LRRC69: variants seen among roughly 807,000 people sequenced by gnomAD.
LRRC69 encodes leucine-rich repeat-containing protein 69.
In LRRC69, 42 loss-of-function variants were observed where a neutral mutation model predicts 37.8. The ratio of observed to expected loss-of-function variants is 1.11; its 90% confidence interval spans 0.87 to 1.44. The LOEUF (loss-of-function observed/expected upper bound fraction) is 1.44, where lower values mean the gene tolerates loss of function less well. LRRC69 is among the 40% of genes most tolerant of loss of function. The pLI is 0.00. For missense variants in LRRC69, 357 were observed against 401.9 expected (o/e 0.89, Z 0.96); for synonymous variants, 141 against 143.1 (o/e 0.99, Z 0.11).
At chr8:91,105,857 A>G (rs1034931706) in intron 1 of LRRC69, among the ~76,000 whole-genome samples, 2 of 151,982 alleles carry the variant, frequency 1.3e-5, no homozygotes, top group South Asian at 4.1e-4. Context: ...AATGAGGACC[A>G]TCTGTGTCTC....
In LRRC69 at chr8:91,133,119, TCTTA is replaced by T. The variant is rs1425366966; in HGVS notation, c.398_401del (p.Thr133IlefsTer2). 9 of 1,461,202 alleles carry T rather than the reference TCTTA, an allele frequency of 6.2e-6. No individual in the cohort carries two copies. The highest frequency in any genetic ancestry group is 7.3e-6 in the Non-Finnish European group (8 of 1,097,768). 90.5% of individuals were successfully genotyped at this position (1,461,202 alleles called of 1,614,324 possible). A position where few individuals can be genotyped will look rare whatever the true frequency, so the allele number is the denominator to read the frequency against. On this transcript the variant is annotated frameshift_variant, in exon 4 of 8. Coordinates refer to ENST00000448384, the Ensembl canonical transcript of LRRC69. LOFTEE classifies it high-confidence loss of function. ...GTTTTTTTTTTTTTAGATTAAAAAG[TCTTA>T]CTTATATGAGTATAAATTATAACCA...
At chr8:91,139,607 G>C (rs969111442) in intron 5 of LRRC69, among the ~76,000 whole-genome samples, 5 of 151,118 alleles carry the variant, frequency 3.3e-5, no homozygotes, top group Admixed American at 6.6e-5. Flanking sequence ...GCAGTGAGCC[G>C]AGATTGCACC....
chr8:91,145,988 G>A (rs1457560334), intron 5 of LRRC69, among the ~76,000 whole-genome samples: 1 of 151,840 alleles, frequency 6.6e-6, no homozygotes, highest in Non-Finnish European at 1.5e-5. Context: ...GCCCAATTAA[G>A]TTAGGGAATA....
At chr8:91,166,908 A>G (rs1428181211) in intron 5 of LRRC69, among the ~76,000 whole-genome samples, 2 of 151,888 alleles carry the variant, frequency 1.3e-5, no homozygotes, top group Non-Finnish European at 2.9e-5. Context: ...GTTTTCAGAC[A>G]CAGAGCTGGT....
At chr8:91,148,249 C>T (rs1428110669) in intron 5 of LRRC69, among the ~76,000 whole-genome samples, 1 of 151,152 alleles carries the variant, frequency 6.6e-6, no homozygotes, top group African/African-American at 2.4e-5. Flanking sequence ...CACCCCACAT[C>T]AGGCCCCAGT....
chr8:91,212,490 C>A (rs982216029), intron 7 of LRRC69, among the ~76,000 whole-genome samples: 1 of 152,032 alleles, frequency 6.6e-6, no homozygotes, highest in African/African-American at 2.4e-5. Context: ...TGAGTGAAAA[C>A]GTTCATTTAC....
intron 5 of LRRC69, among the ~76,000 whole-genome samples, chr8:91,172,576 C>T (rs578218829): frequency 2.7e-3 from 405 of 152,042 alleles, no homozygotes; most frequent in African/African-American, 9.3e-3. Context: ...AGTGCAATGG[C>T]AAGATCTCAG....
intron 1 of LRRC69, among the ~76,000 whole-genome samples, chr8:91,123,239 C>T (rs1330147229): frequency 6.6e-6 from 1 of 151,978 alleles, no homozygotes; most frequent in African/African-American, 2.4e-5. Context: ...CGTTCTAAGC[C>T]ACAAAGTTTG....
intron 1 of LRRC69, among the ~76,000 whole-genome samples, chr8:91,110,672 T>C (rs1813393499): frequency 6.6e-6 from 1 of 151,978 alleles, no homozygotes. Flanking sequence ...GGAGTTTATC[T>C]AAGTTAGTCA....
At chr8:91,206,874 C>T (rs1242978017) in intron 7 of LRRC69, 1 of 1,278,278 alleles carries the variant, frequency 7.8e-7, no homozygotes, top group Non-Finnish European at 1.0e-6. Flanking sequence ...AGAAAGCTGC[C>T]AAGTAGAGGA....
chr8:91,205,500 C>G (rs1809789129), intron 7 of LRRC69: 1 of 151,972 alleles, frequency 6.6e-6, no homozygotes, highest in Admixed American at 6.5e-5. Flanking sequence ...TCTGAACTAG[C>G]TCTGTGGATC....
At chr8:91,157,836 T>A in intron 5 of LRRC69, 2 of 1,606,330 alleles carry the variant, frequency 1.2e-6, no homozygotes, top group South Asian at 2.2e-5. Context: ...GAAAAGGAGC[T>A]GCATCATTTA....
chr8:91,153,317 T>A (rs1808774805), intron 5 of LRRC69, among the ~76,000 whole-genome samples: 2 of 151,122 alleles, frequency 1.3e-5, no homozygotes, highest in South Asian at 4.2e-4. Context: ...GACAGAAAAT[T>A]AACAAGGATA....
chr8:91,165,064 G>C (rs755288518), intron 5 of LRRC69, among the ~76,000 whole-genome samples: 6 of 151,510 alleles, frequency 4.0e-5, no homozygotes, highest in Non-Finnish European at 8.8e-5. Flanking sequence ...TGGGAAGGTT[G>C]GTGAATAGAC....
chr8:91,212,512 A>G (rs1809949280), intron 7 of LRRC69, among the ~76,000 whole-genome samples: 1 of 152,200 alleles, frequency 6.6e-6, no homozygotes, highest in Non-Finnish European at 1.5e-5. Flanking sequence ...TTATGAAAAT[A>G]AATGAAAATT....
At chr8:91,217,305 G>T (rs1356066593) in intron 7 of LRRC69, among the ~76,000 whole-genome samples, 1 of 152,168 alleles carries the variant, frequency 6.6e-6, no homozygotes, top group Admixed American at 6.5e-5. Context: ...AAGGTCCAGG[G>T]ATGAATCTGG....
intron 1 of LRRC69, among the ~76,000 whole-genome samples, chr8:91,117,666 CAGTT>C (rs1358270583): frequency 6.8e-6 from 1 of 146,906 alleles, no homozygotes; most frequent in Non-Finnish European, 1.5e-5. Context: ...ATCTGCTTGA[CAGTT>C]AGCTTAGGGG....
Position 91,135,753 on chromosome 8 carries a change from A to C in LRRC69, c.651+14A>C. 7.5e-7 allele frequency: 1 copy of C among 1,339,634 alleles called. No individual in the cohort carries two copies. The highest frequency in any genetic ancestry group is 1.6e-5 in the South Asian group (1 of 61,060). 83.0% of individuals were successfully genotyped at this position (1,339,634 alleles called of 1,614,324 possible). A position where few individuals can be genotyped will look rare whatever the true frequency, so the allele number is the denominator to read the frequency against. On this transcript the variant is annotated intron_variant, in intron 5 of 7. Coordinates refer to ENST00000448384, the Ensembl canonical transcript of LRRC69. ...TTTCCATCAGGAGTAAGTAGAGTCA[A>C]CTTCCATTATAATTGAAAAATAATT...
At chr8:91,199,506 ATAATT>A (rs1809678035) in intron 6 of LRRC69, among the ~76,000 whole-genome samples, 1 of 152,136 alleles carries the variant, frequency 6.6e-6, no homozygotes, top group Non-Finnish European at 1.5e-5. Context: ...AAGTTTTTAA[ATAATT>A]TAATTTCTTT....
Sources: gnomAD v4.1 joint callset for allele counts (sites outside exome capture counted in the v4.1 genomes callset) on GRCh38, gnomAD v4.1.1 for gene constraint, MANE v1.5 for transcripts, NCBI Gene and HGNC (gene_info 2026-07-23, HGNC 2026-07-21) for gene names.